ACOT12: variants seen among roughly 807,000 people sequenced by gnomAD.
ACOT12 encodes the protein acetyl-coenzyme A thioesterase.
ACOT12 carries 51 observed loss-of-function variants against 67.7 expected under a neutral mutation model. The ratio of observed to expected loss-of-function variants is 0.75; its 90% CI spans 0.60 to 0.95. The LOEUF is 0.95. Ranked by LOEUF, ACOT12 falls within the 40% of genes least tolerant of loss-of-function variation. The pLI is 0.00. For synonymous variants in ACOT12, 251 were observed against 244.6 expected, an observed-to-expected ratio of 1.03 and a Z score of -0.24; for missense variants, 734 against 708.1, an observed-to-expected ratio of 1.04 and a Z score of -0.41.
chr5:81,337,365 G>A (rs760416766), intron 11 of ACOT12, among the ~76,000 whole-genome samples: 6 of 152,146 alleles, frequency 3.9e-5, no homozygotes, highest in Non-Finnish European at 7.3e-5. Flanking sequence ...CACTTATTAA[G>A]AGTTGAATTA....
intron 2 of ACOT12, among the ~76,000 whole-genome samples, chr5:81,384,068 T>C (rs1760660767): frequency 6.6e-6 from 1 of 151,840 alleles, no homozygotes; most frequent in African/African-American, 2.4e-5. Flanking sequence ...GCAGAGCAAC[T>C]TCCAGCCTTC....
chr5:81,347,291 T>G (rs1759410580), intron 6 of ACOT12, among the ~76,000 whole-genome samples: 1 of 152,150 alleles, frequency 6.6e-6, no homozygotes, highest in African/African-American at 2.4e-5. Flanking sequence ...AAATTTTTTT[T>G]GTAGAGTCAG....
chr5:81,363,110 T>C (rs552585316), intron 4 of ACOT12, among the ~76,000 whole-genome samples: 1 of 151,924 alleles, frequency 6.6e-6, no homozygotes, highest in East Asian at 1.9e-4. Context: ...ATATTCCAGA[T>C]TGAATTATCA....
At chr5:81,380,527 G>GCACTT (rs3052892) in intron 2 of ACOT12, among the ~76,000 whole-genome samples, 39,186 of 143,756 alleles carry the variant, frequency 0.27, 8,793 homozygotes, top group African/African-American at 0.62. Flanking sequence ...TCGTGCCATT[G>GCACTT]CACTTCAGCC....
At chr5:81,371,250 T>TTTG (rs1310918263) in intron 3 of ACOT12, among the ~76,000 whole-genome samples, 1 of 152,114 alleles carries the variant, frequency 6.6e-6, no homozygotes, top group Non-Finnish European at 1.5e-5. Context: ...GTTGGTTTTT[T>TTTG]TTGTTGTTGT....
At chr5:81,338,690 GAAGCTTAAAGC>G (rs1332301730) in intron 11 of ACOT12, among the ~76,000 whole-genome samples, 4 of 152,176 alleles carry the variant, frequency 2.6e-5, no homozygotes, top group Non-Finnish European at 2.9e-5. Flanking sequence ...TCTACGAAAT[GAAGCTTAAAGC>G]AAGCAGGCTC....
chr5:81,323,083 G>GAAAAAAA, the ACOT12 span, among the ~76,000 whole-genome samples: 51 of 103,870 alleles, frequency 4.9e-4, no homozygotes, highest in Non-Finnish European at 6.0e-4. Context: ...ATAGCAAAAA[G>GAAAAAAA]AAAAAAAAAA....
chr5:81,362,508 A>AGAAGTCTGAGGCTGGAGTCCAT (rs1470370166), intron 4 of ACOT12, among the ~76,000 whole-genome samples: 1 of 152,088 alleles, frequency 6.6e-6, no homozygotes, highest in Admixed American at 6.5e-5. Context: ...AGTTGGAGGG[A>AGAAGTCTGAGGCTGGAGTCCAT]GAAGTCTGAG....
intron 13 of ACOT12, among the ~76,000 whole-genome samples, chr5:81,331,199 T>C (rs1758809859): frequency 6.6e-6 from 1 of 152,192 alleles, no homozygotes; most frequent in African/African-American, 2.4e-5. Flanking sequence ...ACTGAAGTTT[T>C]ATTGTGCCCG....
chr5:81,340,928 T>C (rs1759175142), intron 11 of ACOT12, among the ~76,000 whole-genome samples: 1 of 152,210 alleles, frequency 6.6e-6, no homozygotes. Context: ...TAACTATCTG[T>C]ATAAGAATGA....
intron 2 of ACOT12, among the ~76,000 whole-genome samples, chr5:81,383,121 G>A (rs1443749092): frequency 6.6e-6 from 1 of 152,128 alleles, no homozygotes; most frequent in Non-Finnish European, 1.5e-5. Context: ...CCAGCCGGGC[G>A]TGGTGGCAGG....
In ACOT12 at chr5:81,330,448, A is replaced by G. The variant is rs577790866; in HGVS notation, c.1614T>C (p.Ser538=). The G allele has an allele frequency of 1.2e-5, 19 of 1,614,172 alleles. No homozygotes were observed. In the South Asian group the frequency reaches 1.8e-4, roughly 15 times the overall value. Residue 538 remains serine, a synonymous_variant, in exon 15 of 15, where the codon TCT becomes TCC. Coordinates refer to ENST00000307624, the MANE Select transcript of ACOT12 (RefSeq NM_130767.3). ...GAGGATTCTCTAAGAACTGTATACAAGAGGCTGCTGTTTCTTCAATGGATT... is the reference window on the plus strand; with the variant it reads ...GAGGATTCTCTAAGAACTGTATACAGGAGGCTGCTGTTTCTTCAATGGATT... ...WSKSIEETAA[S]CIQFLENPPD... is the part of the protein sequence containing the mutation.
intron 2 of ACOT12, among the ~76,000 whole-genome samples, chr5:81,374,988 G>C (rs183142322): frequency 6.6e-6 from 1 of 152,236 alleles, no homozygotes; most frequent in East Asian, 1.9e-4. Flanking sequence ...GAAACACAGA[G>C]AATACCACAA....
chr5:81,355,896 A>C (rs73766219), intron 5 of ACOT12, among the ~76,000 whole-genome samples: 7,269 of 152,250 alleles, frequency 0.048, 572 homozygotes, highest in African/African-American at 0.17. Context: ...TGCTGTGGGA[A>C]ACAATGCCTT....
chr5:81,371,486 C>G (rs918410538), intron 3 of ACOT12, among the ~76,000 whole-genome samples: 5 of 152,038 alleles, frequency 3.3e-5, no homozygotes, highest in African/African-American at 1.2e-4. Flanking sequence ...CTCCTGGTCT[C>G]AAGTGATCTT....
At chr5:81,349,146 C>T (rs1357411943) in intron 5 of ACOT12, among the ~76,000 whole-genome samples, 1 of 152,176 alleles carries the variant, frequency 6.6e-6, no homozygotes, top group East Asian at 1.9e-4. Context: ...TGTTGCTGCT[C>T]TCGGCATAGT....
At chr5:81,319,434 C>G in the ACOT12 span, among the ~76,000 whole-genome samples, 1 of 152,138 alleles carries the variant, frequency 6.6e-6, no homozygotes, top group Non-Finnish European at 1.5e-5. Context: ...AAATCCATAC[C>G]AAGCTGGGCG....
chr5:81,350,192 G>T (rs77409752), intron 5 of ACOT12, among the ~76,000 whole-genome samples: 10,202 of 151,922 alleles, frequency 0.067, 444 homozygotes, highest in South Asian at 0.15. Flanking sequence ...TGTCTATCTG[G>T]CTGCATTCTA....
chr5:81,368,810 C>G (rs1324730048), intron 3 of ACOT12, among the ~76,000 whole-genome samples: 2 of 151,094 alleles, frequency 1.3e-5, no homozygotes, highest in Non-Finnish European at 2.9e-5. Flanking sequence ...TAACCAACAG[C>G]AGAAATCAAA....
Sources: gnomAD v4.1 joint callset for allele counts (sites outside exome capture counted in the v4.1 genomes callset) on GRCh38, gnomAD v4.1.1 for gene constraint, MANE v1.5 for transcripts, NCBI Gene and HGNC (gene_info 2026-07-23, HGNC 2026-07-21) for gene names.